WDR49: variants seen among roughly 807,000 people sequenced by gnomAD.
WDR49 encodes the protein cilia- and flagella-associated protein 337.
WDR49 carries 107 observed loss-of-function variants against 119.5 expected under a neutral mutation model. The observed-to-expected ratio is 0.90, with a 90% CI of 0.77 to 1.05. The LOEUF is 1.05. WDR49 is among the 50% of genes least tolerant of loss of function. The pLI is 0.00. For synonymous variants in WDR49, 425 were observed against 418.8 expected (o/e 1.01, Z -0.18); for missense variants, 1,240 against 1,220.5 (o/e 1.02, Z -0.24).
At chr3:167,529,439 T>G (rs1259119080) in intron 13 of WDR49, among the ~76,000 whole-genome samples, 200 bp from the exon 14 acceptor site, 1 of 152,132 alleles carries the variant, frequency 6.6e-6, no homozygotes, top group Admixed American at 6.6e-5. Flanking sequence ...TGTTGAGTAT[T>G]AAATGAGATA....
At chr3:167,579,117 T>C (rs991652792) in intron 7 of WDR49, among the ~76,000 whole-genome samples, 1 of 152,152 alleles carries the variant, frequency 6.6e-6, no homozygotes, top group South Asian at 2.1e-4. Context: ...TCTGCCATAA[T>C]TGTATATTCC....
At chr3:167,605,485 A>G (rs1716012816) in intron 5 of WDR49, among the ~76,000 whole-genome samples, 1 of 152,162 alleles carries the variant, frequency 6.6e-6, no homozygotes, top group African/African-American at 2.4e-5. Flanking sequence ...TAAAGATAAT[A>G]AGAAAAAAAA....
chr3:167,488,743 A>G (rs1015788477), intron 18 of WDR49, among the ~76,000 whole-genome samples: 2 of 151,928 alleles, frequency 1.3e-5, no homozygotes, highest in Non-Finnish European at 2.9e-5. Context: ...AATCCTCTGA[A>G]GGCTTCCCTT....
rs1751095156 is a variant in WDR49, at chr3:167,490,515, T to C, written c.3031+9638A>G. ...ATCTACAAATGCTTTCTTCCTACAT[T>C]TTAATTATTTGTTCAAGTAAGAACT... is the stretch of plus-strand genomic sequence containing the variant. On this transcript the variant is annotated intron_variant, in intron 18 of 18. Coordinates refer to ENST00000682715, the MANE Select transcript of WDR49 (RefSeq NM_001366157.1). 1.3e-5 allele frequency among the ~76,000 whole-genome samples: 2 copies of C among 152,154 alleles called. 1 individual carries two copies. The highest frequency in any genetic ancestry group is 4.1e-4 in the South Asian group (2 of 4,824).
intron 5 of WDR49, among the ~76,000 whole-genome samples, chr3:167,616,041 T>A (rs1031660234): frequency 1.3e-5 from 2 of 152,212 alleles, no homozygotes; most frequent in Non-Finnish European, 2.9e-5. Context: ...ATGTTAGAAG[T>A]TAAGTTTCTT....
At chr3:167,615,834 C>A (rs1172787375) in intron 5 of WDR49, among the ~76,000 whole-genome samples, 1 of 152,178 alleles carries the variant, frequency 6.6e-6, no homozygotes, top group East Asian at 1.9e-4. Context: ...CAACAAGACA[C>A]TCACTCCAGC....
At chr3:167,482,872 T>A (rs776097409) in intron 18 of WDR49, among the ~76,000 whole-genome samples, 5 of 152,050 alleles carry the variant, frequency 3.3e-5, no homozygotes, top group Non-Finnish European at 7.4e-5. Context: ...ATTGTGAGCA[T>A]AAAGGAGAAA....
chr3:167,559,809 T>G (rs1184570001), intron 9 of WDR49, among the ~76,000 whole-genome samples: 1 of 152,206 alleles, frequency 6.6e-6, no homozygotes, highest in East Asian at 1.9e-4. Flanking sequence ...AAAGGGGGCT[T>G]TCTGAAATGA....
intron 5 of WDR49, among the ~76,000 whole-genome samples, chr3:167,609,203 G>GA (rs1239970111): frequency 1.4e-4 from 21 of 151,898 alleles, no homozygotes; most frequent in Admixed American, 2.0e-4. Context: ...AATCTACACA[G>GA]AAAAAAACAC....
intron 1 of WDR49, 121 bp from the exon 2 acceptor site, chr3:167,653,620 T>A: frequency 1.9e-6 from 1 of 532,446 alleles, no homozygotes; most frequent in Non-Finnish European, 3.1e-6. Flanking sequence ...CTCAACCCTC[T>A]CACTTATTTG....
chr3:167,560,260 A>G (rs775339590), intron 8 of WDR49, 32 bp from the exon 9 acceptor site: 2 of 1,589,504 alleles, frequency 1.3e-6, no homozygotes, highest in African/African-American at 2.7e-5. Flanking sequence ...AAGAAATTAA[A>G]TATAGTCTCA....
chr3:167,638,426 C>A (rs1324900962), intron 2 of WDR49, among the ~76,000 whole-genome samples: 1 of 151,510 alleles, frequency 6.6e-6, no homozygotes, highest in Admixed American at 6.6e-5. Flanking sequence ...GCAGCCTTTT[C>A]CCCTATAACT....
At chr3:167,604,861 C>T (rs1343561287) in intron 5 of WDR49, among the ~76,000 whole-genome samples, 2 of 152,130 alleles carry the variant, frequency 1.3e-5, no homozygotes, top group Non-Finnish European at 2.9e-5. Flanking sequence ...TAGGTCCCCA[C>T]CAGACAGCAA....
intron 17 of WDR49, among the ~76,000 whole-genome samples, chr3:167,501,770 T>C (rs751654691): frequency 6.6e-6 from 1 of 152,244 alleles, no homozygotes; most frequent in African/African-American, 2.4e-5. Context: ...AATTGTTTTC[T>C]GGTCCGTCAA....
At chr3:167,632,611 C>A (rs148050586) in intron 2 of WDR49, among the ~76,000 whole-genome samples, 1 of 151,860 alleles carries the variant, frequency 6.6e-6, no homozygotes, top group Non-Finnish European at 1.5e-5. Context: ...TTGATTAATA[C>A]GTTATTAATT....
At chr3:167,620,751 A>T in intron 4 of WDR49, 148 bp from the exon 5 acceptor site, 1 of 720,220 alleles carries the variant, frequency 1.4e-6, no homozygotes. Flanking sequence ...GTTATACTAA[A>T]AAACAGAACA....
chr3:167,492,307 T>C (rs923953359), intron 18 of WDR49, among the ~76,000 whole-genome samples: 3 of 152,132 alleles, frequency 2.0e-5, no homozygotes, highest in African/African-American at 7.2e-5. Context: ...ACCAGGGAAT[T>C]TGATTTGAAT....
In WDR49 at chr3:167,536,933, C is replaced by T; in HGVS notation, c.1891G>A (p.Gly631Ser). Residue 631 changes from glycine to serine, a missense_variant, in exon 11 of 19, where the codon GGT becomes AGT. Gly to Ser is a moderately conservative substitution (Grantham distance 56). Transcript: ENST00000682715. ...FFIQPEEWKG[G>S]IQHHDDILCA... ...AAGATGTCATCATGGTGCTGTATAC[C>T]TCCTTTCCATTCTTCAGGCTGGATG... The T allele has an allele frequency of 6.3e-7, 1 of 1,588,382 alleles. No homozygotes were observed. Among genetic ancestry groups the T allele is most frequent in the Non-Finnish European group, 8.6e-7 (1 of 1,167,964 alleles).
At chr3:167,646,217 G>A (rs753122262) in intron 2 of WDR49, among the ~76,000 whole-genome samples, 17 of 152,166 alleles carry the variant, frequency 1.1e-4, no homozygotes, top group Admixed American at 6.6e-4. Context: ...GAGGAGGGGA[G>A]TTGCACCAGA....
Sources: allele counts gnomAD v4.1 joint callset (sites outside exome capture counted in the v4.1 genomes callset), GRCh38; gene constraint gnomAD v4.1.1; transcripts MANE v1.5; gene names NCBI Gene and HGNC (gene_info 2026-07-23, HGNC 2026-07-21).